ABHD17B: variants seen among roughly 807,000 people sequenced by gnomAD.
ABHD17B encodes alpha/beta hydrolase domain-containing protein 17B.
ABHD17B carries 9 observed loss-of-function variants against 26.2 expected under a neutral mutation model. That is an observed-to-expected ratio of 0.34 (90% CI 0.21 to 0.60). The LOEUF is 0.60. Among genes scored for constraint, ABHD17B ranks in the 20% least tolerant of loss-of-function variants. The pLI is 0.80. For missense variants in ABHD17B, 224 were observed against 352.1 expected (o/e 0.64, Z 2.91); for synonymous variants, 127 against 122.3 (o/e 1.04, Z -0.25).
At chr9:71,862,586 T>A, downstream of ABHD17B, 1 of 1,455,948 alleles carries the variant, frequency 6.9e-7, no homozygotes, top group Non-Finnish European at 9.6e-7. Context: ...GAAAATCACT[T>A]CCCTTCTTTA....
intron 1 of ABHD17B, among the ~76,000 whole-genome samples, chr9:71,882,328 A>G (rs980346244): frequency 6.6e-6 from 1 of 152,268 alleles, no homozygotes; most frequent in African/African-American, 2.4e-5. Context: ...GAAAAACGTA[A>G]GCAATCCAAA....
chr9:71,875,546 A>G (rs562216184), intron 1 of ABHD17B, among the ~76,000 whole-genome samples: 4 of 152,254 alleles, frequency 2.6e-5, no homozygotes, highest in African/African-American at 9.6e-5. Flanking sequence ...TTCTAGAAGT[A>G]CTTTAAATCC....
At chr9:71,878,091 TTAGTA>T (rs1826330806) in intron 1 of ABHD17B, among the ~76,000 whole-genome samples, 1 of 152,112 alleles carries the variant, frequency 6.6e-6, no homozygotes, top group South Asian at 2.1e-4. Context: ...AATCTAGGTT[TTAGTA>T]TAGTGTGAGC....
At chr9:71,877,328 G>A (rs943513082) in intron 1 of ABHD17B, among the ~76,000 whole-genome samples, 1 of 152,228 alleles carries the variant, frequency 6.6e-6, no homozygotes. Flanking sequence ...ACCATTGACT[G>A]CTGAGCCACA....
intron 3 of ABHD17B, among the ~76,000 whole-genome samples, chr9:71,868,390 AGAG>A (rs752112652): frequency 2.0e-5 from 3 of 152,222 alleles, no homozygotes; most frequent in Admixed American, 6.5e-5. Context: ...ATCAGACATG[AGAG>A]GAGAACACTT....
At chr9:71,897,734 A>G (rs961406384) in intron 1 of ABHD17B, among the ~76,000 whole-genome samples, 5 of 152,148 alleles carry the variant, frequency 3.3e-5, no homozygotes, top group African/African-American at 1.2e-4. Context: ...ATGTCAGTCA[A>G]TCCTTACTAA....
Position 71,870,211 on chromosome 9 carries a change from T to C in ABHD17B, c.519A>G (p.Thr173=), listed in dbSNP as rs368299197. 3.7e-6 allele frequency: 6 copies of C among 1,613,860 alleles called. No homozygotes were observed. The highest frequency in any genetic ancestry group is 3.4e-6 in the Non-Finnish European group (4 of 1,179,956). The change falls in exon 3 of 4, where the codon ACA becomes ACG. Residue 173 remains threonine, a synonymous_variant. Transcript: ENST00000333421. ...GAGCAGCAAGATCCACAGACGGTAC[T>C]GTCCCTATACTTTGGCCATATATAA... The part of the protein sequence containing the change: ...NVIIYGQSIG[T]VPSVDLAARY...
intron 1 of ABHD17B, among the ~76,000 whole-genome samples, chr9:71,893,612 C>T (rs1826861557): frequency 6.6e-6 from 1 of 152,174 alleles, no homozygotes; most frequent in African/African-American, 2.4e-5. Context: ...GTTAAGTAGG[C>T]AATGATTGAT....
At chr9:71,868,968 C>A (rs768727989) in intron 3 of ABHD17B, among the ~76,000 whole-genome samples, 30 of 152,264 alleles carry the variant, frequency 2.0e-4, no homozygotes, top group Non-Finnish European at 4.0e-4. Flanking sequence ...GGACTACAGG[C>A]GTGAACCACT....
intron 1 of ABHD17B, among the ~76,000 whole-genome samples, chr9:71,897,311 A>G (rs1826986926): frequency 7.3e-5 from 1 of 13,684 alleles, no homozygotes; most frequent in Non-Finnish European, 6.5e-3. Flanking sequence ...TGGAAGGATC[A>G]CTTGAGCCTG....
intron 1 of ABHD17B, among the ~76,000 whole-genome samples, chr9:71,883,122 G>A (rs568015104): frequency 2.0e-5 from 3 of 152,240 alleles, no homozygotes; most frequent in South Asian, 2.1e-4. Flanking sequence ...CAGCCTGGGC[G>A]ACAGGGCGAG....
chr9:71,896,423 A>G (rs1472905314), intron 1 of ABHD17B, among the ~76,000 whole-genome samples: 1 of 152,170 alleles, frequency 6.6e-6, no homozygotes, highest in Non-Finnish European at 1.5e-5. Context: ...TCTGTCACCT[A>G]TCCAGTGGGG....
intron 1 of ABHD17B, among the ~76,000 whole-genome samples, chr9:71,886,294 C>T (rs540428622): frequency 6.6e-6 from 1 of 151,826 alleles, no homozygotes; most frequent in African/African-American, 2.4e-5. Context: ...AACACAGTAT[C>T]AAAGTTTCCT....
chr9:71,887,987 T>G (rs1826664233), intron 1 of ABHD17B, among the ~76,000 whole-genome samples: 1 of 152,220 alleles, frequency 6.6e-6, no homozygotes, highest in Admixed American at 6.5e-5. Flanking sequence ...AGGATTCATG[T>G]TCTTGAGAGG....
chr9:71,898,515 T>C (rs1038700521), intron 1 of ABHD17B, among the ~76,000 whole-genome samples: 3 of 150,278 alleles, frequency 2.0e-5, no homozygotes, highest in South Asian at 2.1e-4. Context: ...GGTGCATGCC[T>C]GTAATCCCAA....
At chr9:71,870,343 C>T in intron 2 of ABHD17B, 81 bp from the exon 3 acceptor site, 1 of 1,302,546 alleles carries the variant, frequency 7.7e-7, no homozygotes, top group Non-Finnish European at 1.0e-6. Context: ...AGGATTTGAT[C>T]TTAGAATAAG....
chr9:71,878,430 T>C (rs1445915008), intron 1 of ABHD17B, among the ~76,000 whole-genome samples: 1 of 152,004 alleles, frequency 6.6e-6, no homozygotes, highest in East Asian at 1.9e-4. Context: ...TAAGAATTTC[T>C]CAGAATTAAA....
chr9:71,865,046 A>T, downstream of ABHD17B: 1 of 546,300 alleles, frequency 1.8e-6, no homozygotes, highest in Non-Finnish European at 2.3e-6. Context: ...GTGATGATAT[A>T]ATTTTAAAAA....
At chr9:71,887,259 A>G (rs988305833) in intron 1 of ABHD17B, among the ~76,000 whole-genome samples, 3 of 152,174 alleles carry the variant, frequency 2.0e-5, no homozygotes, top group Admixed American at 1.3e-4. Context: ...AAATAGTGTC[A>G]GTTCTAGTGT....
Sources: allele counts gnomAD v4.1 joint callset (sites outside exome capture counted in the v4.1 genomes callset), GRCh38; gene constraint gnomAD v4.1.1; transcripts MANE v1.5; gene names NCBI Gene and HGNC (gene_info 2026-07-23, HGNC 2026-07-21).